Variants in CHST11 observed in about 807,000 individuals in gnomAD.
CHST11 encodes C4S-1.
A neutral mutation model predicts 30.4 loss-of-function variants in CHST11; 9 were observed. That is an observed-to-expected ratio of 0.30 (90% confidence interval 0.18 to 0.52). The LOEUF (loss-of-function observed/expected upper bound fraction) is 0.52. Ranked by LOEUF, CHST11 falls within the 20% of genes least tolerant of loss-of-function variation. CHST11 has a pLI of 0.97. For synonymous variants in CHST11, 152 were observed against 187.8 expected, an observed-to-expected ratio of 0.81 and a Z score of 1.56; for missense variants, 348 against 460.6, an observed-to-expected ratio of 0.76 and a Z score of 2.24.
At chr12:104,508,076 C>T (rs1411121103) in intron 1 of CHST11, among the ~76,000 whole-genome samples, 7 of 152,190 alleles carry the variant, frequency 4.6e-5, no homozygotes, top group East Asian at 3.8e-4. Context: ...CTGGTCTCCT[C>T]GACCTTGAGA....
At chr12:104,524,458 A>G (rs1485857077) in intron 1 of CHST11, among the ~76,000 whole-genome samples, 4 of 152,184 alleles carry the variant, frequency 2.6e-5, no homozygotes, top group East Asian at 1.9e-4. Flanking sequence ...ACAGACATAG[A>G]CACGTATAGG....
At chr12:104,508,545 A>T (rs1432613861) in intron 1 of CHST11, among the ~76,000 whole-genome samples, 2 of 152,238 alleles carry the variant, frequency 1.3e-5, no homozygotes, top group Admixed American at 6.5e-5. Context: ...AAAACAAAGC[A>T]AAATAAACCT....
intron 2 of CHST11, among the ~76,000 whole-genome samples, chr12:104,617,162 A>G (rs1158806874): frequency 6.6e-6 from 1 of 152,128 alleles, no homozygotes; most frequent in East Asian, 1.9e-4. Flanking sequence ...GCCTTTAGAA[A>G]CAGAGGTCAC....
At chr12:104,750,837 C>T (rs1373152567) in intron 2 of CHST11, among the ~76,000 whole-genome samples, 2 of 151,922 alleles carry the variant, frequency 1.3e-5, no homozygotes, top group Admixed American at 6.6e-5. Flanking sequence ...CTTACTGTCA[C>T]CTGAAATTAT....
chr12:104,489,824 A>G (rs945340356), intron 1 of CHST11, among the ~76,000 whole-genome samples: 8 of 152,268 alleles, frequency 5.3e-5, no homozygotes, highest in Admixed American at 1.3e-4. Context: ...ATCTATAACA[A>G]CTATCACTGG....
intron 2 of CHST11, among the ~76,000 whole-genome samples, chr12:104,724,351 G>A (rs1394698375): frequency 6.6e-6 from 1 of 152,156 alleles, no homozygotes; most frequent in Non-Finnish European, 1.5e-5. Context: ...GAATCCATAG[G>A]GAAAATGAAA....
At chr12:104,538,130 A>G (rs1230031343) in intron 1 of CHST11, among the ~76,000 whole-genome samples, 1 of 152,222 alleles carries the variant, frequency 6.6e-6, no homozygotes, top group Non-Finnish European at 1.5e-5. Flanking sequence ...CCAGAATTCC[A>G]TGCAAGAGAT....
chr12:104,622,552 T>G (rs922068236), intron 2 of CHST11, among the ~76,000 whole-genome samples: 3 of 152,168 alleles, frequency 2.0e-5, no homozygotes, highest in Non-Finnish European at 4.4e-5. Flanking sequence ...GATCAGAGTA[T>G]TAAATAACTC....
At chr12:104,468,674 C>G (rs1565952312) in intron 1 of CHST11, among the ~76,000 whole-genome samples, 1 of 152,226 alleles carries the variant, frequency 6.6e-6, no homozygotes, top group African/African-American at 2.4e-5. Context: ...GCTCAAAACT[C>G]TATGTGTAAA....
intron 1 of CHST11, among the ~76,000 whole-genome samples, chr12:104,471,294 C>T (rs1287655005): frequency 6.6e-6 from 1 of 152,194 alleles, no homozygotes; most frequent in African/African-American, 2.4e-5. Flanking sequence ...AATGGTCACT[C>T]AGTAACTATT....
At chr12:104,587,801 A>T (rs1441675420) in intron 1 of CHST11, among the ~76,000 whole-genome samples, 5 of 146,806 alleles carry the variant, frequency 3.4e-5, no homozygotes, top group Non-Finnish European at 7.4e-5. Flanking sequence ...TTATTGTTTC[A>T]GACTCTTCAA....
chr12:104,755,046 A>G (rs967456997), intron 2 of CHST11, among the ~76,000 whole-genome samples: 1 of 152,150 alleles, frequency 6.6e-6, no homozygotes, highest in Non-Finnish European at 1.5e-5. Context: ...GCAGGGTGCA[A>G]TGGCTTCTCC....
chr12:104,655,916 T>C (rs2039540193), intron 2 of CHST11, among the ~76,000 whole-genome samples: 1 of 152,222 alleles, frequency 6.6e-6, no homozygotes, highest in African/African-American at 2.4e-5. Context: ...AGTCAGCAGC[T>C]CAAAAATGGC....
At chr12:104,617,921 T>C (rs1002509428) in intron 2 of CHST11, among the ~76,000 whole-genome samples, 7 of 152,060 alleles carry the variant, frequency 4.6e-5, no homozygotes, top group South Asian at 2.1e-4. Context: ...TTTTTTTTTT[T>C]CCCTTGAGAT....
intron 2 of CHST11, among the ~76,000 whole-genome samples, chr12:104,643,636 T>TCACA (rs34979854): frequency 0.034 from 5,144 of 150,512 alleles, 128 homozygotes; most frequent in African/African-American, 0.071. Flanking sequence ...GACTTTTTCT[T>TCACA]CACACACACA....
At chr12:104,514,608 G>A (rs1251951465) in intron 1 of CHST11, among the ~76,000 whole-genome samples, 1 of 152,214 alleles carries the variant, frequency 6.6e-6, no homozygotes, top group Non-Finnish European at 1.5e-5. Context: ...GTCAGTGTCT[G>A]CTCTTGGTGA....
At chr12:104,533,949 A>T (rs781743534) in intron 1 of CHST11, among the ~76,000 whole-genome samples, 3 of 152,216 alleles carry the variant, frequency 2.0e-5, no homozygotes, top group Non-Finnish European at 4.4e-5. Flanking sequence ...TTAGAATGAA[A>T]CTAAAATTTA....
chr12:104,703,181 T>C (rs543038457), intron 2 of CHST11, among the ~76,000 whole-genome samples: 24 of 152,364 alleles, frequency 1.6e-4, no homozygotes, highest in Admixed American at 7.8e-4. Flanking sequence ...TGGGCCATAG[T>C]GGGTGCACCC....
chr12:104,699,953 A>G (rs1045699740), intron 2 of CHST11, among the ~76,000 whole-genome samples: 6 of 152,232 alleles, frequency 3.9e-5, no homozygotes, highest in Admixed American at 2.0e-4. Context: ...ACTCAAAACT[A>G]GGAACAGTCC....
Sources: gnomAD v4.1 joint callset for allele counts (sites outside exome capture counted in the v4.1 genomes callset) on GRCh38, gnomAD v4.1.1 for gene constraint, MANE v1.5 for transcripts, NCBI Gene and HGNC (gene_info 2026-07-23, HGNC 2026-07-21) for gene names.